The following FBN1 variants were observed in gnomAD, a reference collection of about 807,000 sequenced individuals.
FBN1 encodes fibrillin 1.
In FBN1, 29 loss-of-function variants were observed where a neutral mutation model predicts 365.1. The ratio of observed to expected loss-of-function variants is 0.08; its 90% CI spans 0.06 to 0.11. FBN1 has a LOEUF of 0.11. FBN1 is among the 10% of genes least tolerant of loss of function. FBN1 has a pLI of 1.00. For missense variants in FBN1, 2,476 were observed against 3,703.2 expected (o/e 0.67, Z 8.60); for synonymous variants, 1,210 against 1,270.5 (o/e 0.95, Z 1.01).
chr15:48,418,727 A>G (rs1014963263), intron 63 of FBN1, among the ~76,000 whole-genome samples: 1 of 152,158 alleles, frequency 6.6e-6, no homozygotes, highest in Non-Finnish European at 1.5e-5. Context: ...GACAATTCGA[A>G]TTTTACCAAA....
rs904651679 is a variant in FBN1, at chr15:48,412,508, C to G, written c.8226+61G>C. ...TTTGGAGCATCCTTGGAGGAAACCA[C>G]AGGAATCTGGAAGGGCTTTCCACCA... On this transcript the variant is annotated intron_variant, in intron 65 of 65. Transcript: ENST00000316623. 6 of 1,577,092 alleles carry G rather than the reference C, an allele frequency of 3.8e-6. No individual in the cohort carries two copies. In the African/African-American group the frequency reaches 6.7e-5, roughly 18 times the overall value.
At chr15:48,644,495 C>T (rs1662604915) in intron 2 of FBN1, 111 bp downstream of exon 2, 1 of 1,485,696 alleles carries the variant, frequency 6.7e-7, no homozygotes, top group East Asian at 2.3e-5. Flanking sequence ...CTCTAAGGTG[C>T]CCCCAGGAGG....
chr15:48,587,097 C>T (rs1385016892), intron 6 of FBN1, among the ~76,000 whole-genome samples: 1 of 152,172 alleles, frequency 6.6e-6, no homozygotes, highest in East Asian at 1.9e-4. Context: ...CATGGAACCC[C>T]TCATGGGACT....
chr15:48,618,792 G>C (rs980711810), intron 2 of FBN1, among the ~76,000 whole-genome samples: 5 of 152,016 alleles, frequency 3.3e-5, no homozygotes, highest in African/African-American at 1.2e-4. Context: ...GTCAGATCAG[G>C]GACAGCATTA....
chr15:48,623,502 A>G (rs1889809347), intron 2 of FBN1, among the ~76,000 whole-genome samples: 1 of 152,242 alleles, frequency 6.6e-6, no homozygotes, highest in Non-Finnish European at 1.5e-5. Context: ...ACACATATGT[A>G]AACATTTGAT....
intron 52 of FBN1, 21 bp from the exon 53 acceptor site, chr15:48,437,098 T>C (rs762782693): frequency 6.7e-7 from 1 of 1,490,874 alleles, no homozygotes; most frequent in Non-Finnish European, 9.4e-7. Flanking sequence ...AGAAAAAAAA[T>C]AGTGAATAAC....
chr15:48,579,552 A>G (rs1377201671), intron 6 of FBN1, among the ~76,000 whole-genome samples: 1 of 152,198 alleles, frequency 6.6e-6, no homozygotes, highest in Non-Finnish European at 1.5e-5. Context: ...ACCTATGGAC[A>G]TCTGGAATAG....
intron 32 of FBN1, among the ~76,000 whole-genome samples, chr15:48,481,173 C>T (rs930844410): frequency 6.6e-6 from 1 of 152,160 alleles, no homozygotes; most frequent in African/African-American, 2.4e-5. Flanking sequence ...TGACTTAATA[C>T]ATCAAAAGTA....
At chr15:48,528,439 A>G (rs1013073179) in intron 8 of FBN1, among the ~76,000 whole-genome samples, 20 of 152,354 alleles carry the variant, frequency 1.3e-4, no homozygotes, top group African/African-American at 3.6e-4. Context: ...TAATCCTTAT[A>G]ATGCAGGTAG....
At chr15:48,522,319 A>G (rs984345201) in intron 9 of FBN1, among the ~76,000 whole-genome samples, 4 of 152,032 alleles carry the variant, frequency 2.6e-5, no homozygotes, top group African/African-American at 9.7e-5. Context: ...AATATTGTGT[A>G]TTAATTTAAT....
At chr15:48,530,260 C>G (rs1369389072) in intron 8 of FBN1, among the ~76,000 whole-genome samples, 1 of 144,336 alleles carries the variant, frequency 6.9e-6, no homozygotes, top group Non-Finnish European at 1.5e-5. Context: ...AAAATGGAGT[C>G]TGAATTCTTA....
At position 48,448,783 on chromosome 15, in the gene FBN1, G is replaced by T; in HGVS notation, c.5656C>A (p.Gln1886Lys). Reference sequence around the variant, plus strand: ...GCATACTTACCCAAGCACATGGTTTGGTCATCATTTGTTTTAAAACCAGTG... The same window carrying T: ...GCATACTTACCCAAGCACATGGTTTTGTCATCATTTGTTTTAAAACCAGTG... The part of the protein sequence containing the change: ...CHTGFKTNDD[Q>K]TMCLDINECE... Residue 1886 changes from glutamine to lysine, a missense_variant, in exon 46 of 66, where the codon CAA (glutamine) becomes AAA (lysine). This residue lies in a region of FBN1 where 1,780 missense variants were observed against 2,840.8 expected (regional missense o/e 0.63). Coordinates refer to ENST00000316623, the MANE Select transcript of FBN1 (RefSeq NM_000138.5). 1 of 1,612,732 alleles carries T rather than the reference G, an allele frequency of 6.2e-7. No individual in the cohort carries two copies. Among genetic ancestry groups the T allele is most frequent in the African/African-American group, 1.3e-5 (1 of 74,972 alleles).
intron 8 of FBN1, among the ~76,000 whole-genome samples, chr15:48,526,519 G>C (rs1034626001): frequency 6.6e-6 from 1 of 152,124 alleles, no homozygotes; most frequent in South Asian, 2.1e-4. Context: ...GTGTACTGTT[G>C]TTTCACCAAG....
chr15:48,474,241 C>A lies in FBN1; in HGVS notation c.4210+14G>T. 1 of 1,613,978 alleles carries A rather than the reference C, an allele frequency of 6.2e-7. No homozygotes were observed. ...TGACTAGTGTTGACACAGTTGTTTC[C>A]AGCGTGAACATACCTGTACAAGTGA... On this transcript the variant is annotated intron_variant, in intron 34 of 65. Coordinates refer to ENST00000316623, the MANE Select transcript of FBN1 (RefSeq NM_000138.5).
intron 47 of FBN1, among the ~76,000 whole-genome samples, chr15:48,445,806 A>ATTT (rs1459598328): frequency 1.3e-5 from 2 of 152,106 alleles, no homozygotes; most frequent in Admixed American, 1.3e-4. Flanking sequence ...AGATTTAAAA[A>ATTT]TTTTTTGATT....
At chr15:48,416,908 C>T (rs1162559585) in intron 63 of FBN1, among the ~76,000 whole-genome samples, 5 of 152,198 alleles carry the variant, frequency 3.3e-5, no homozygotes, top group East Asian at 1.9e-4. Context: ...TTATTAGATA[C>T]CTATTTTATG....
At chr15:48,538,357 G>T (rs964330307) in intron 6 of FBN1, among the ~76,000 whole-genome samples, 2 of 152,188 alleles carry the variant, frequency 1.3e-5, no homozygotes, top group African/African-American at 4.8e-5. Context: ...TTTCTTTTGA[G>T]TTGGGGTCAT....
chr15:48,577,831 C>T (rs1020713769), intron 6 of FBN1, among the ~76,000 whole-genome samples: 1 of 152,100 alleles, frequency 6.6e-6, no homozygotes, highest in East Asian at 1.9e-4. Flanking sequence ...GTCCTTTTTG[C>T]AACGCCTTCC....
Position 48,630,662 on chromosome 15 carries a change from C to G in FBN1, c.164+13944G>C, listed in dbSNP as rs1410867218. Among the ~76,000 whole-genome samples the G allele has an allele frequency of 1.4e-5, 2 of 145,984 alleles. 1 individual carries two copies. The highest frequency in any genetic ancestry group is 3.0e-5 in the Non-Finnish European group (2 of 66,782). On this transcript the variant is annotated intron_variant, in intron 2 of 65. Coordinates refer to ENST00000316623, the MANE Select transcript of FBN1 (RefSeq NM_000138.5). Reference sequence around the variant, plus strand: ...GAAGTCGGTAGAGCACAGAAAATACCCGGTATTTGCAGTGAGCCGAGATTG... The same window carrying G: ...GAAGTCGGTAGAGCACAGAAAATACGCGGTATTTGCAGTGAGCCGAGATTG...
Sources: gnomAD v4.1 joint callset for allele counts (sites outside exome capture counted in the v4.1 genomes callset) on GRCh38, gnomAD v4.1.1 for gene constraint, gnomAD v4.1.1 regional missense constraint, MANE v1.5 for transcripts, NCBI Gene and HGNC (gene_info 2026-07-23, HGNC 2026-07-21) for gene names.